SPECC1: variants seen among roughly 807,000 people sequenced by gnomAD.
The protein encoded by SPECC1 is cytospin-B.
SPECC1 carries 62 observed loss-of-function variants against 104.1 expected under a neutral mutation model. The ratio of observed to expected loss-of-function variants is 0.60; its 90% CI spans 0.49 to 0.74. The LOEUF is 0.74. Among genes scored for constraint, SPECC1 ranks in the 30% least tolerant of loss-of-function variants. The pLI is 0.00. For missense variants in SPECC1, 1,306 were observed against 1,310.5 expected (o/e 1.00, Z 0.05); for synonymous variants, 513 against 501.6 (o/e 1.02, Z -0.30).
chr17:20,113,948 T>A (rs2048623068), intron 3 of SPECC1, among the ~76,000 whole-genome samples: 2 of 152,162 alleles, frequency 1.3e-5, no homozygotes, highest in South Asian at 4.1e-4. Context: ...TAAATCCAGA[T>A]CTACTGCAAT....
chr17:20,026,458 C>T (rs2152437570), intron 1 of SPECC1, among the ~76,000 whole-genome samples: 1 of 152,270 alleles, frequency 6.6e-6, no homozygotes, highest in African/African-American at 2.4e-5. Context: ...TATCCATTAA[C>T]TTTTCCCAAG....
At chr17:20,027,999 G>T (rs1242477606) in intron 1 of SPECC1, among the ~76,000 whole-genome samples, 3 of 152,098 alleles carry the variant, frequency 2.0e-5, no homozygotes, top group African/African-American at 7.2e-5. Flanking sequence ...CAAACCTAAC[G>T]TCTTTAAGAT....
chr17:20,227,103 AG>A (rs931283278), intron 4 of SPECC1, among the ~76,000 whole-genome samples: 1 of 152,048 alleles, frequency 6.6e-6, no homozygotes, highest in Non-Finnish European at 1.5e-5. Flanking sequence ...TGCTTGTAGG[AG>A]GGGGCACAGA....
intron 4 of SPECC1, among the ~76,000 whole-genome samples, chr17:20,207,189 G>T (rs1357550847): frequency 6.6e-6 from 1 of 152,152 alleles, no homozygotes; most frequent in Non-Finnish European, 1.5e-5. Flanking sequence ...AGCAAATTAT[G>T]CCATGAGCTC....
chr17:20,050,802 C>CATGTTAGTA (rs1428428667), intron 1 of SPECC1, among the ~76,000 whole-genome samples: 1 of 152,178 alleles, frequency 6.6e-6, no homozygotes, highest in Non-Finnish European at 1.5e-5. Flanking sequence ...TTGATAACTT[C>CATGTTAGTA]ATGTTAGTAA....
rs1447238495 is a variant in SPECC1, at chr17:20,315,973, G to C, written c.*1908G>C. 4.3e-6 allele frequency: 1 copy of C among 232,632 alleles called. No individual in the cohort carries two copies. The highest frequency in any genetic ancestry group is 2.2e-5 in the African/African-American group (1 of 45,332). The allele number at this position is 232,632 out of a possible 1,614,324, so 14.4% of individuals were successfully genotyped here. A position where few individuals can be genotyped will look rare whatever the true frequency, so the allele number is the denominator to read the frequency against. On this transcript the variant is annotated 3_prime_UTR_variant, in exon 15 of 15. Coordinates refer to ENST00000395527, the MANE Select transcript of SPECC1 (RefSeq NM_001243439.2). ...TTCTTTAGGCGACTGAAGCACAGCT[G>C]CTTGGAGAACCACTGAGGGGTGGAC... is the stretch of plus-strand genomic sequence containing the variant.
intron 3 of SPECC1, among the ~76,000 whole-genome samples, chr17:20,110,948 T>A (rs2048461079): frequency 6.6e-6 from 1 of 152,064 alleles, no homozygotes; most frequent in African/African-American, 2.4e-5. Context: ...GTCTAATATT[T>A]GTACTGAACC....
At chr17:20,247,456 C>T (rs1262639584) in intron 9 of SPECC1, 137 bp downstream of exon 9, 2 of 542,164 alleles carry the variant, frequency 3.7e-6, no homozygotes, top group East Asian at 6.1e-5. Flanking sequence ...TTGCACTATG[C>T]ATTATTCCAA....
chr17:20,104,474 G>A (rs2048090286), intron 2 of SPECC1, among the ~76,000 whole-genome samples: 2 of 152,108 alleles, frequency 1.3e-5, no homozygotes, highest in South Asian at 4.1e-4. Flanking sequence ...CAGGCACGGT[G>A]GCTCATGCCT....
intron 12 of SPECC1, among the ~76,000 whole-genome samples, chr17:20,284,173 A>ATTAGTCTGCC (rs1398289558): frequency 1.9e-4 from 29 of 152,166 alleles, no homozygotes; most frequent in Admixed American, 1.9e-3. Flanking sequence ...GGGAGAAGGG[A>ATTAGTCTGCC]AACTCCTGCA....
intron 1 of SPECC1, among the ~76,000 whole-genome samples, chr17:20,080,979 T>C (rs2046949247): frequency 6.6e-6 from 1 of 152,142 alleles, no homozygotes; most frequent in African/African-American, 2.4e-5. Flanking sequence ...TGCATTCTCC[T>C]TCCTGCCCCA....
chr17:20,029,790 C>CAAGA (rs1456717735), intron 1 of SPECC1, among the ~76,000 whole-genome samples: 9 of 152,132 alleles, frequency 5.9e-5, no homozygotes, highest in Non-Finnish European at 1.3e-4. Flanking sequence ...TTGAGTCTTA[C>CAAGA]CTCCTTTTTG....
chr17:20,253,415 C>A, intron 9 of SPECC1, 90 bp from the exon 10 acceptor site: 2 of 1,272,118 alleles, frequency 1.6e-6, no homozygotes, highest in Non-Finnish European at 2.2e-6. Context: ...AGAACTGTTG[C>A]ACACACACGC....
chr17:20,171,322 T>C (rs1194363200), intron 3 of SPECC1, among the ~76,000 whole-genome samples: 1 of 152,208 alleles, frequency 6.6e-6, no homozygotes, highest in Non-Finnish European at 1.5e-5. Flanking sequence ...CTGTGCTTTA[T>C]GCTTTCATAG....
At chr17:20,130,292 C>T (rs1385619328) in intron 3 of SPECC1, among the ~76,000 whole-genome samples, 1 of 152,062 alleles carries the variant, frequency 6.6e-6, no homozygotes, top group East Asian at 1.9e-4. Flanking sequence ...CGTGGTGGCT[C>T]ACACCTGTAA....
intron 3 of SPECC1, among the ~76,000 whole-genome samples, chr17:20,142,716 T>TG (rs1187859724): frequency 6.6e-6 from 1 of 151,522 alleles, no homozygotes; most frequent in East Asian, 1.9e-4. Flanking sequence ...GTTCTGGAAA[T>TG]GGGGGTGGTG....
intron 1 of SPECC1, among the ~76,000 whole-genome samples, chr17:20,035,078 T>TGG (rs2045010682): frequency 6.6e-6 from 1 of 152,222 alleles, no homozygotes; most frequent in Non-Finnish European, 1.5e-5. Flanking sequence ...TTAACACCTT[T>TGG]GTCAGAAATC....
intron 1 of SPECC1, among the ~76,000 whole-genome samples, chr17:20,034,884 C>T (rs967330551): frequency 1.3e-5 from 2 of 152,122 alleles, no homozygotes; most frequent in Admixed American, 6.6e-5. Flanking sequence ...GGATTACGAG[C>T]GTGAGCCACC....
chr17:20,286,259 G>A (rs987966845), intron 12 of SPECC1, among the ~76,000 whole-genome samples: 6 of 152,260 alleles, frequency 3.9e-5, no homozygotes, highest in South Asian at 4.1e-4. Flanking sequence ...ATCCTAGTCC[G>A]TTTTATTCAG....
Sources: allele counts gnomAD v4.1 joint callset (sites outside exome capture counted in the v4.1 genomes callset), GRCh38; gene constraint gnomAD v4.1.1; transcripts MANE v1.5; gene names NCBI Gene and HGNC (gene_info 2026-07-23, HGNC 2026-07-21).